The following TPM2 variants were observed in gnomAD, a reference collection of about 807,000 sequenced individuals.
TPM2 encodes the protein tropomyosin 2, also known as tropomyosin beta chain.
In TPM2, 26 loss-of-function variants were observed where a neutral mutation model predicts 41.0. The ratio of observed to expected loss-of-function variants is 0.63; its 90% CI spans 0.46 to 0.88. The LOEUF (loss-of-function observed/expected upper bound fraction) is 0.88, where lower values mean the gene tolerates loss of function less well. Among genes scored for constraint, TPM2 ranks in the 40% least tolerant of loss-of-function variants. The pLI is 0.00. For missense variants in TPM2, 187 were observed against 355.2 expected, an observed-to-expected ratio of 0.53 and a Z score of 3.81; for synonymous variants, 143 against 139.3, an observed-to-expected ratio of 1.03 and a Z score of -0.19.
chr9:35,684,796 T>A lies in TPM2; in HGVS notation c.575A>T (p.Asp192Val). The A allele has an allele frequency of 6.2e-7, 1 of 1,606,074 alleles. No homozygotes were observed. The highest frequency in any genetic ancestry group is 1.1e-5 in the South Asian group (1 of 90,634). The change falls in exon 6 of 9, where the codon GAC becomes GTC. Residue 192 changes from aspartate (D) to valine (V), a missense_variant. Asp to Val is a radical substitution (Grantham distance 152). Transcript: ENST00000645482. ...AACAATTTTCAGCTCCTCCTCTAGG[T>A]CCCCACATTTACTGCAGGGGGTGTG... ...RAEVAESKCG[D>V]LEEELKIVTN...
downstream of TPM2, chr9:35,682,756 G>T: frequency 7.6e-7 from 1 of 1,318,994 alleles, no homozygotes; most frequent in South Asian, 1.2e-5. Flanking sequence ...GTGAATCAGA[G>T]AGCGACAGCC....
chr9:35,689,194 C>G lies in TPM2; in HGVS notation c.192G>C (p.Val64=). ...GCTCCAGTTTCTCCTGGGCCTCCTT[C>G]ACGGATTCAGAATACTTTTCCACCT... is the stretch of plus-strand genomic sequence containing the variant. ...EDEVEKYSES[V]KEAQEKLEQA... The change falls in exon 2 of 9, where the codon GTG becomes GTC. Residue 64 remains valine (V), a synonymous_variant. Transcript: ENST00000645482. 1 of 1,614,216 alleles carries G rather than the reference C, an allele frequency of 6.2e-7. No individual in the cohort carries two copies. The highest frequency in any genetic ancestry group is 8.5e-7 in the Non-Finnish European group (1 of 1,180,024).
At chr9:35,684,701 C>A (rs1471670074) in intron 6 of TPM2, 31 bp downstream of exon 6, 1 of 1,614,162 alleles carries the variant, frequency 6.2e-7, no homozygotes, top group Non-Finnish European at 8.5e-7. Context: ...CTGTGGGACC[C>A]CATCCTCACT....
At chr9:35,688,053 C>T (rs1825028560) in intron 2 of TPM2, among the ~76,000 whole-genome samples, 1 of 152,218 alleles carries the variant, frequency 6.6e-6, no homozygotes, top group Non-Finnish European at 1.5e-5. Flanking sequence ...TGTCCCTGTC[C>T]CCCCTGCCCC....
chr9:35,685,494 C>T lies in TPM2; in HGVS notation c.432G>A (p.Gln144=), dbSNP rs1317838599. 2 of 1,614,232 alleles carry T rather than the reference C, an allele frequency of 1.2e-6. No individual in the cohort carries two copies. Among genetic ancestry groups the T allele is most frequent in the Non-Finnish European group, 1.7e-6 (2 of 1,180,042 alleles). ...AMKDEEKMEL[Q]EMQLKEAKHI... is the part of the protein sequence containing the mutation. ...GCTTGGCCTCCTTCAGCTGCATCTC[C>T]TGCAGTTCCATCTTCTCCTCATCCT... Residue 144 remains glutamine, a synonymous_variant, in exon 4 of 9, where the codon CAG becomes CAA. Coordinates refer to ENST00000645482, the MANE Select transcript of TPM2 (RefSeq NM_003289.4). This position sits in a 1 kb window ranked among gnomAD's most constrained non-coding sequence, Gnocchi z 5.0.
intron 2 of TPM2, among the ~76,000 whole-genome samples, chr9:35,686,598 C>T (rs1243873): frequency 0.51 from 73,791 of 144,382 alleles, 18,814 homozygotes; most frequent in African/African-American, 0.61. Flanking sequence ...AGCTTGACCC[C>T]AGGAGCCCTG....
rs534800146 is a variant in TPM2 at position 35,684,623 on chromosome 9, G to A, written c.640-73C>T. 6.8e-6 allele frequency: 11 copies of A among 1,613,030 alleles called. No homozygotes were observed. The East Asian group carries it at 2.5e-4, about 36-fold the overall frequency. On this transcript the variant is annotated intron_variant, in intron 6 of 8. Transcript: ENST00000645482. ...TTCATTTCTCCATTGTACCCCGTAGGCTCCTGGTCATCTTGCCTCCGTTGA... is the reference window on the plus strand; with the variant it reads ...TTCATTTCTCCATTGTACCCCGTAGACTCCTGGTCATCTTGCCTCCGTTGA...
At chr9:35,682,057 C>T, downstream of TPM2, 1 of 1,613,902 alleles carries the variant, frequency 6.2e-7, no homozygotes. Flanking sequence ...GCAACCATAG[C>T]CTGGCTGGGG....
In TPM2 at chr9:35,685,254, C is replaced by A. The variant is rs759495779; in HGVS notation, c.563+15G>T. ...AGGGCCAATGGGCTCACTTGTCACC[C>A]CCGGGTATCTTTACCTCTCGGCCAC... On this transcript the variant is annotated intron_variant, in intron 5 of 8. Transcript: ENST00000645482. This position sits in a 1 kb window ranked among gnomAD's most constrained non-coding sequence, Gnocchi z 5.0. 1.9e-6 allele frequency: 3 copies of A among 1,614,078 alleles called. No individual in the cohort carries two copies. In the African/African-American group the frequency reaches 4.0e-5, roughly 22 times the overall value.
chr9:35,689,310 G>A, intron 1 of TPM2, 39 bp from the exon 2 acceptor site: 4 of 1,612,994 alleles, frequency 2.5e-6, no homozygotes, highest in Non-Finnish European at 3.4e-6. Context: ...GCTGGGAGGG[G>A]GCCCAGGCCC....
chr9:35,686,914 A>G (rs1169075757), intron 2 of TPM2, among the ~76,000 whole-genome samples: 1 of 152,232 alleles, frequency 6.6e-6, no homozygotes, highest in Non-Finnish European at 1.5e-5. Context: ...AGGGCAGAGC[A>G]AGGCGAGCGC....
At chr9:35,682,730 G>GT, downstream of TPM2, 3 of 1,316,082 alleles carry the variant, frequency 2.3e-6, no homozygotes, top group South Asian at 3.7e-5. Context: ...GGGGCCACAC[G>GT]TGCCCACATG....
downstream of TPM2, chr9:35,682,008 T>G (rs990152165): frequency 5.3e-6 from 8 of 1,517,794 alleles, no homozygotes; most frequent in African/African-American, 1.1e-4. Flanking sequence ...TTAAAGGGCC[T>G]TGAGAGGCTA....
chr9:35,682,389 G>A (rs1309192135), downstream of TPM2: 1 of 1,069,812 alleles, frequency 9.3e-7, no homozygotes, highest in Non-Finnish European at 1.3e-6. Context: ...ATAGAGGTGG[G>A]GTGGGGAGGG....
chr9:35,689,248 G>C lies in TPM2; in HGVS notation c.138C>G (p.Leu46=). The change falls in exon 2 of 9, where the codon CTC becomes CTG. Residue 46 remains leucine (L), a synonymous_variant. Transcript: ENST00000645482. ...CKQLEEEQQA[L]QKKLKGTEDE... is the part of the protein sequence containing the mutation. The stretch of plus-strand genomic sequence containing the variant: ...CCTCTGTCCCCTTCAGCTTCTTCTG[G>C]AGGGCCTGCTGCTCCTCCTCCAGCT... 3 of 1,614,202 alleles carry C rather than the reference G, an allele frequency of 1.9e-6. No individual in the cohort carries two copies.
In TPM2 at chr9:35,685,196, A is replaced by T; in HGVS notation, c.563+73T>A. ...GGCCTGTCCCTACAGCCCCAAGCCT[A>T]GGATGCTACCTTCCCACTGTGTGGA... On this transcript the variant is annotated intron_variant, in intron 5 of 8. Coordinates refer to ENST00000645482, the MANE Select transcript of TPM2 (RefSeq NM_003289.4). The surrounding 1 kb of genome is among the most constrained non-coding windows in gnomAD (Gnocchi z 5.0). 4.3e-6 allele frequency: 7 copies of T among 1,614,122 alleles called. No individual in the cohort carries two copies. Among genetic ancestry groups the T allele is most frequent in the Non-Finnish European group, 5.9e-6 (7 of 1,180,006 alleles).
Position 35,685,123 on chromosome 9 carries a change from C to A in TPM2, c.563+146G>T. The A allele has an allele frequency of 6.2e-7, 1 of 1,614,186 alleles. No homozygotes were observed. Among genetic ancestry groups the A allele is most frequent in the Non-Finnish European group, 8.5e-7 (1 of 1,180,036 alleles). ...TGGTCCATGGTTCGAAGTTCCTCCTCCAGCTGTCTGGCTCGGCTGGGGGCA... is the reference window on the plus strand; with the variant it reads ...TGGTCCATGGTTCGAAGTTCCTCCTACAGCTGTCTGGCTCGGCTGGGGGCA... On this transcript the variant is annotated intron_variant, in intron 5 of 8. Coordinates refer to ENST00000645482, the MANE Select transcript of TPM2 (RefSeq NM_003289.4). This position sits in a 1 kb window ranked among gnomAD's most constrained non-coding sequence, Gnocchi z 5.0.
chr9:35,685,803 C>T lies in TPM2; in HGVS notation c.241-23G>A. 6.2e-7 allele frequency: 1 copy of T among 1,613,866 alleles called. No individual in the cohort carries two copies. ...AGCCTGTGGGTCAGAGGTCAGGGGT[C>T]AAAAAGGCCTTGTTAGCCTTGGATA... On this transcript the variant is annotated intron_variant, in intron 2 of 8. Coordinates refer to ENST00000645482, the MANE Select transcript of TPM2 (RefSeq NM_003289.4). This position sits in a 1 kb window ranked among gnomAD's most constrained non-coding sequence, Gnocchi z 5.0.
rs2131866271 is a variant in TPM2 at position 35,689,881 on chromosome 9, C to A, written c.-64G>T. On this transcript the variant is annotated 5_prime_UTR_variant, in exon 1 of 9. Coordinates refer to ENST00000645482, the MANE Select transcript of TPM2 (RefSeq NM_003289.4). ...GACCGGACGGACTGGGCTGGGTGAGCGGACTGGGTGCACCGGTGGCAGGCG... is the reference window on the plus strand; with the variant it reads ...GACCGGACGGACTGGGCTGGGTGAGAGGACTGGGTGCACCGGTGGCAGGCG... 6.2e-7 allele frequency: 1 copy of A among 1,609,562 alleles called. No individual in the cohort carries two copies. The highest frequency in any genetic ancestry group is 8.5e-7 in the Non-Finnish European group (1 of 1,178,434).
Sources: gnomAD v4.1 joint callset for allele counts (sites outside exome capture counted in the v4.1 genomes callset) on GRCh38, gnomAD v4.1.1 for gene constraint, Gnocchi (gnomAD v3.1) non-coding constraint, MANE v1.5 for transcripts, NCBI Gene and HGNC (gene_info 2026-07-23, HGNC 2026-07-21) for gene names.